Variants in RPS6KA2 observed in about 807,000 individuals in gnomAD.
The protein encoded by RPS6KA2 is ribosomal protein S6 kinase alpha-2.
RPS6KA2 carries 42 observed loss-of-function variants against 91.8 expected under a neutral mutation model. The observed-to-expected ratio is 0.46, with a 90% CI of 0.36 to 0.59. The LOEUF (loss-of-function observed/expected upper bound fraction) is 0.59. RPS6KA2 is among the 20% of genes least tolerant of loss of function. RPS6KA2 has a pLI of 0.00. For missense variants in RPS6KA2, 798 were observed against 978.5 expected (o/e 0.82, Z 2.46); for synonymous variants, 414 against 393.6 (o/e 1.05, Z -0.61).
intron 11 of RPS6KA2, among the ~76,000 whole-genome samples, chr6:166,466,357 G>C (rs1469779847): frequency 3.9e-5 from 6 of 152,222 alleles, no homozygotes; most frequent in Non-Finnish European, 8.8e-5. Flanking sequence ...CAAATCCATC[G>C]TATTGTTAAA....
At chr6:166,842,576 C>G (rs1193774596) in intron 2 of RPS6KA2, among the ~76,000 whole-genome samples, 1 of 152,180 alleles carries the variant, frequency 6.6e-6, no homozygotes, top group South Asian at 2.1e-4. Context: ...AACTTTGTTG[C>G]AAGGCTCCAG....
rs1302011018 is a variant in RPS6KA2, at chr6:166,429,962, C to CTT, written c.1581+489_1581+490dup. Among the ~76,000 whole-genome samples, 12 of 142,234 alleles carry CTT rather than the reference C, an allele frequency of 8.4e-5. No homozygotes were observed. The South Asian group carries it at 2.0e-3, about 24-fold the overall frequency. The allele number at this position is 142,234 out of a possible 152,430, so 93.3% of individuals were successfully genotyped here. ...AGAGGGAAAAAAGAATTTTTCTTTTCTTTTTTTTTTTTTGAGATGGAGTCT... is the reference window on the plus strand; with the variant it reads ...AGAGGGAAAAAAGAATTTTTCTTTTCTTTTTTTTTTTTTTTGAGATGGAGTCT... On this transcript the variant is annotated intron_variant, in intron 16 of 20. Transcript: ENST00000265678.
chr6:166,785,548 C>T (rs1006981349), intron 2 of RPS6KA2, among the ~76,000 whole-genome samples: 8 of 152,352 alleles, frequency 5.3e-5, no homozygotes, highest in Middle Eastern at 6.8e-3. Flanking sequence ...GCATGGTGCT[C>T]CTGGTTCGAG....
chr6:166,549,971 G>T (rs1037688094), intron 1 of RPS6KA2, among the ~76,000 whole-genome samples: 1 of 151,942 alleles, frequency 6.6e-6, no homozygotes, highest in African/African-American at 2.4e-5. Context: ...TTTTAAAAAT[G>T]GTAAAAAGTG....
intron 1 of RPS6KA2, among the ~76,000 whole-genome samples, chr6:166,575,855 T>C (rs906738163): frequency 6.6e-6 from 1 of 152,224 alleles, no homozygotes; most frequent in South Asian, 2.1e-4. Context: ...AAAAAAAAAT[T>C]CCAAAGATGA....
chr6:166,481,355 T>C (rs769233089), intron 10 of RPS6KA2, among the ~76,000 whole-genome samples: 2 of 152,228 alleles, frequency 1.3e-5, no homozygotes, highest in Non-Finnish European at 2.9e-5. Context: ...CAGCTCTAAT[T>C]TGTGGCTTTA....
In RPS6KA2 at chr6:166,679,937, C is replaced by T. The variant is rs151308248; in HGVS notation, c.124-141153G>A. 1.3e-4 allele frequency among the ~76,000 whole-genome samples: 20 copies of T among 152,348 alleles called. 1 individual carries two copies. The East Asian group carries it at 3.9e-3, about 29-fold the overall frequency. On this transcript the variant is annotated intron_variant, in intron 2 of 21. Coordinates refer to the RPS6KA2 transcript ENST00000503859. The stretch of plus-strand genomic sequence containing the variant: ...TACCTGGACTAGGTGCCGCAAAGTC[C>T]CTCGGCAGTGCCAGTGAGAGGTGAA...
chr6:166,606,084 T>C (rs918198689), intron 1 of RPS6KA2, among the ~76,000 whole-genome samples: 1 of 152,192 alleles, frequency 6.6e-6, no homozygotes, highest in Non-Finnish European at 1.5e-5. Context: ...CTGCACACAT[T>C]AGGCTCTTTG....
chr6:166,707,542 G>A (rs750849144), intron 2 of RPS6KA2, among the ~76,000 whole-genome samples: 2 of 152,160 alleles, frequency 1.3e-5, no homozygotes, highest in Admixed American at 1.3e-4. Context: ...ATCTGGGCAC[G>A]TTTAAAGTTA....
At chr6:166,829,453 T>C (rs1583161417) in intron 2 of RPS6KA2, among the ~76,000 whole-genome samples, 1 of 151,824 alleles carries the variant, frequency 6.6e-6, no homozygotes, top group South Asian at 2.1e-4. Context: ...TAGCCGGGTA[T>C]GGTGGCGGGC....
At chr6:166,580,895 T>C (rs912811514) in intron 1 of RPS6KA2, among the ~76,000 whole-genome samples, 2 of 151,428 alleles carry the variant, frequency 1.3e-5, no homozygotes, top group African/African-American at 2.4e-5. Flanking sequence ...TGAGGAATTT[T>C]TCTTTTCTTT....
Position 166,410,571 on chromosome 6 carries a change from T to C in RPS6KA2, c.*2191A>G, listed in dbSNP as rs1253346796. The C allele has an allele frequency of 6.6e-6, 1 of 152,316 alleles. No homozygotes were observed. The highest frequency in any genetic ancestry group is 2.4e-5 in the African/African-American group (1 of 41,416). The allele number at this position is 152,316 out of a possible 1,614,324, so 9.4% of individuals were successfully genotyped here. The stretch of plus-strand genomic sequence containing the variant: ...AAATACATGTAAGGACAGAGCTCGC[T>C]GTGATGGGGAGTCTCGTCGGTCCCT... On this transcript the variant is annotated 3_prime_UTR_variant, in exon 21 of 21. Coordinates refer to ENST00000265678, the MANE Select transcript of RPS6KA2 (RefSeq NM_021135.6).
chr6:166,758,902 T>C (rs1267285622), intron 2 of RPS6KA2, among the ~76,000 whole-genome samples: 1 of 152,228 alleles, frequency 6.6e-6, no homozygotes, highest in East Asian at 1.9e-4. Flanking sequence ...ACAGAAATAG[T>C]TGAAGTGCAA....
intron 2 of RPS6KA2, among the ~76,000 whole-genome samples, chr6:166,819,062 T>C (rs894813098): frequency 6.6e-6 from 1 of 152,098 alleles, no homozygotes; most frequent in African/African-American, 2.4e-5. Flanking sequence ...TGGGAATTTC[T>C]GGGGTTTAGC....
At chr6:166,647,821 CACACAT>C in intron 2 of RPS6KA2, among the ~76,000 whole-genome samples, 1 of 129,986 alleles carries the variant, frequency 7.7e-6, no homozygotes, top group Non-Finnish European at 1.7e-5. Context: ...CACATGCTCA[CACACAT>C]GCACATGCTC....
chr6:166,561,983 C>T (rs1222432199), intron 1 of RPS6KA2, among the ~76,000 whole-genome samples: 1 of 152,106 alleles, frequency 6.6e-6, no homozygotes, highest in Non-Finnish European at 1.5e-5. Flanking sequence ...ATTTTGCAAA[C>T]ATTATGTCAT....
intron 16 of RPS6KA2, 27 bp downstream of exon 16, chr6:166,430,426 G>C (rs369077904): frequency 5.3e-5 from 84 of 1,591,762 alleles, no homozygotes; most frequent in Non-Finnish European, 6.8e-5. Flanking sequence ...CCTCCTCCCC[G>C]AAGGCTGCCC....
intron 1 of RPS6KA2, among the ~76,000 whole-genome samples, chr6:166,553,040 T>G: frequency 6.6e-6 from 1 of 152,236 alleles, no homozygotes. Context: ...TATATAATAT[T>G]GCTGAATGTA....
At chr6:166,680,262 C>T (rs1170232289) in intron 2 of RPS6KA2, among the ~76,000 whole-genome samples, 10 of 152,170 alleles carry the variant, frequency 6.6e-5, no homozygotes, top group Admixed American at 6.5e-4. Flanking sequence ...GCTAAAGGTT[C>T]GTAAACACAC....
Sources: gnomAD v4.1 joint callset for allele counts (sites outside exome capture counted in the v4.1 genomes callset) on GRCh38, gnomAD v4.1.1 for gene constraint, MANE v1.5 for transcripts, NCBI Gene and HGNC (gene_info 2026-07-23, HGNC 2026-07-21) for gene names.